Variants in SCN8A observed in about 807,000 individuals in gnomAD.
The protein encoded by SCN8A is sodium channel protein type 8 subunit alpha.
A neutral mutation model predicts 184.1 loss-of-function variants in SCN8A; 30 were observed. The ratio of observed to expected loss-of-function variants is 0.16; its 90% CI spans 0.12 to 0.22. The LOEUF (loss-of-function observed/expected upper bound fraction) is 0.22. Ranked by LOEUF, SCN8A falls within the 10% of genes least tolerant of loss-of-function variation. The probability of loss-of-function intolerance (pLI) is 1.00; values close to 1 mark genes in which losing one functional copy is unlikely to be tolerated. For synonymous variants in SCN8A, 852 were observed against 907.0 expected (o/e 0.94, Z 1.09); for missense variants, 1,057 against 2,498.9 (o/e 0.42, Z 12.30).
At chr12:51,717,967 G>A (rs1254667045) in intron 11 of SCN8A, among the ~76,000 whole-genome samples, 7 of 152,102 alleles carry the variant, frequency 4.6e-5, no homozygotes, top group Admixed American at 2.6e-4. Context: ...GCCAAAGCAG[G>A]AAAAGCCTAC....
intron 1 of SCN8A, among the ~76,000 whole-genome samples, chr12:51,638,572 C>T (rs559796044): frequency 1.3e-5 from 2 of 151,884 alleles, no homozygotes; most frequent in Non-Finnish European, 2.9e-5. Flanking sequence ...CTGCAACCTC[C>T]GCCTCCCGGG....
intron 11 of SCN8A, 36 bp from the exon 12 acceptor site, chr12:51,721,510 C>A: frequency 6.4e-7 from 1 of 1,551,866 alleles, no homozygotes; most frequent in Non-Finnish European, 8.7e-7. Context: ...CGTCTCATTT[C>A]CCCGTCCCTC....
chr12:51,730,087 T>C (rs1272984703), intron 12 of SCN8A, among the ~76,000 whole-genome samples: 2 of 152,190 alleles, frequency 1.3e-5, no homozygotes, highest in African/African-American at 4.8e-5. Flanking sequence ...ATTTTTTTCT[T>C]TTATGATATG....
Position 51,706,621 on chromosome 12 carries a change from A to G in SCN8A, c.1541A>G (p.Lys514Arg), listed in dbSNP as rs1592393860. ...GGAGAGGAGAAAGGGGATCCCGAGAAGGTGTTTAAGTCAGAGTCAGAAGAT... is the reference window on the plus strand; with the variant it reads ...GGAGAGGAGAAAGGGGATCCCGAGAGGGTGTTTAAGTCAGAGTCAGAAGAT... ...SEGEEKGDPE[K>R]VFKSESEDGM... Residue 514 changes from lysine (K) to arginine (R), a missense_variant, in exon 11 of 27, where the codon AAG (lysine) becomes AGG (arginine). Lys to Arg is a conservative substitution (Grantham distance 26). Coordinates refer to ENST00000627620, the MANE Select transcript of SCN8A (RefSeq NM_001330260.2). 2 of 1,609,226 alleles carry G rather than the reference A, an allele frequency of 1.2e-6. No homozygotes were observed. Among genetic ancestry groups the G allele is most frequent in the Non-Finnish European group, 1.7e-6 (2 of 1,177,566 alleles).
chr12:51,640,395 T>G (rs1193005420), intron 1 of SCN8A, among the ~76,000 whole-genome samples: 1 of 151,882 alleles, frequency 6.6e-6, no homozygotes, highest in Non-Finnish European at 1.5e-5. Flanking sequence ...GAACCCACAA[T>G]AAGCCTGAGG....
intron 2 of SCN8A, among the ~76,000 whole-genome samples, chr12:51,669,412 T>C (rs1565880761): frequency 1.3e-5 from 2 of 152,256 alleles, no homozygotes; most frequent in Non-Finnish European, 2.9e-5. Flanking sequence ...CTTTTGCCTG[T>C]CACATATTGT....
chr12:51,800,302 C>T (rs1024110906), intron 26 of SCN8A, among the ~76,000 whole-genome samples: 8 of 152,202 alleles, frequency 5.3e-5, no homozygotes, highest in Admixed American at 6.5e-5. Context: ...CAGTTGGAGT[C>T]GTCACCACTT....
intron 1 of SCN8A, among the ~76,000 whole-genome samples, chr12:51,626,973 T>C (rs1940092620): frequency 6.6e-6 from 1 of 152,120 alleles, no homozygotes; most frequent in African/African-American, 2.4e-5. Context: ...GGCAGATATT[T>C]AAAAAAACTC....
At chr12:51,779,776 C>T (rs951433920) in intron 20 of SCN8A, among the ~76,000 whole-genome samples, 3 of 152,034 alleles carry the variant, frequency 2.0e-5, no homozygotes, top group African/African-American at 7.3e-5. Flanking sequence ...AATGACAGAC[C>T]TGAGGATAAT....
rs768639779 is a variant in SCN8A, at chr12:51,721,836, G to A, written c.1926G>A (p.Thr642=). 18 of 1,605,444 alleles carry A rather than the reference G, an allele frequency of 1.1e-5. No homozygotes were observed. The highest frequency in any genetic ancestry group is 1.6e-4 in the Middle Eastern group (1 of 6,062). The change falls in exon 12 of 27, where the codon ACG becomes ACA. Residue 642 remains threonine, a synonymous_variant. Coordinates refer to ENST00000627620, the MANE Select transcript of SCN8A (RefSeq NM_001330260.2). ...GGCGCAGCGTGAAGCGCAACAGCAC[G>A]GTGGACTGCAACGGCGTGGTGTCCC... ...SLRRSVKRNS[T]VDCNGVVSLI... is the part of the protein sequence containing the mutation.
At chr12:51,802,606 A>C (rs1013221101) in intron 26 of SCN8A, among the ~76,000 whole-genome samples, 2 of 152,208 alleles carry the variant, frequency 1.3e-5, no homozygotes, top group African/African-American at 4.8e-5. Flanking sequence ...AGAAGACTTG[A>C]GGCTCAGTAT....
At chr12:51,691,790 G>A (rs1055382949) in intron 6 of SCN8A, among the ~76,000 whole-genome samples, 3 of 152,196 alleles carry the variant, frequency 2.0e-5, no homozygotes, top group African/African-American at 7.2e-5. Context: ...CCGATTCTAT[G>A]TTTTAGAGTT....
intron 1 of SCN8A, among the ~76,000 whole-genome samples, chr12:51,640,546 C>T (rs1940430873): frequency 6.6e-6 from 1 of 151,964 alleles, no homozygotes. Flanking sequence ...AGGAATGGCA[C>T]AGCCAAAGTA....
At chr12:51,695,809 C>G (rs1471992018) in intron 6 of SCN8A, among the ~76,000 whole-genome samples, 1 of 152,158 alleles carries the variant, frequency 6.6e-6, no homozygotes, top group Non-Finnish European at 1.5e-5. Flanking sequence ...GTTCCAAATT[C>G]CTGTAGGAAA....
At chr12:51,672,756 CA>C (rs1420641033) in intron 2 of SCN8A, among the ~76,000 whole-genome samples, 3 of 152,204 alleles carry the variant, frequency 2.0e-5, no homozygotes, top group Non-Finnish European at 2.9e-5. Context: ...ATGGCACCAG[CA>C]AAATTCTAGA....
chr12:51,705,282 G>A (rs2138747650), intron 9 of SCN8A, 135 bp from the exon 10 acceptor site: 1 of 702,018 alleles, frequency 1.4e-6, no homozygotes, highest in East Asian at 2.7e-5. Flanking sequence ...CCCACAATAG[G>A]AAGGAGTACT....
intron 19 of SCN8A, among the ~76,000 whole-genome samples, chr12:51,772,719 A>G (rs303806): frequency 0.83 from 123,655 of 149,660 alleles, 51,028 homozygotes; most frequent in East Asian, 0.97. Context: ...GGTAGCTCAC[A>G]CCTGTAATCC....
intron 6 of SCN8A, among the ~76,000 whole-genome samples, chr12:51,694,842 C>T (rs1018890281): frequency 2.0e-5 from 3 of 152,156 alleles, no homozygotes; most frequent in African/African-American, 4.8e-5. Flanking sequence ...TACGAGGGAG[C>T]GCTTTCAGGC....
intron 1 of SCN8A, among the ~76,000 whole-genome samples, chr12:51,630,632 C>T (rs1263643350): frequency 3.3e-5 from 5 of 152,176 alleles, no homozygotes; most frequent in East Asian, 3.9e-4. Flanking sequence ...AGCATTCTGG[C>T]GTCTGTCCGG....
Sources: allele counts gnomAD v4.1 joint callset (sites outside exome capture counted in the v4.1 genomes callset), GRCh38; gene constraint gnomAD v4.1.1; transcripts MANE v1.5; gene names NCBI Gene and HGNC (gene_info 2026-07-23, HGNC 2026-07-21).